Variants in NUMB observed in about 807,000 individuals in gnomAD.
NUMB encodes NUMB endocytic adaptor protein.
NUMB carries 29 observed loss-of-function variants against 59.7 expected under a neutral mutation model. That is an observed-to-expected ratio of 0.49 (90% confidence interval 0.36 to 0.66). The LOEUF (loss-of-function observed/expected upper bound fraction) is 0.66. Ranked by LOEUF, NUMB falls within the 30% of genes least tolerant of loss-of-function variation. The pLI, the probability that NUMB is intolerant of heterozygous loss-of-function variation, is 0.00. For synonymous variants in NUMB, 288 were observed against 288.2 expected, an observed-to-expected ratio of 1.00 and a Z score of 0.01; for missense variants, 723 against 822.0, an observed-to-expected ratio of 0.88 and a Z score of 1.47.
rs747803196 is a variant in NUMB at position 73,316,376 on chromosome 14, G to A, written c.234+14C>T. ...CTCCTTATAAAGCAAGCATGAATGT[G>A]GCATCAAACTTACTTTTCCAAAGAA... On this transcript the variant is annotated intron_variant, in intron 6 of 12. Coordinates refer to ENST00000555238, the MANE Select transcript of NUMB (RefSeq NM_001005743.2). 4.3e-6 allele frequency: 7 copies of A among 1,611,620 alleles called. No homozygotes were observed. Among genetic ancestry groups the A allele is most frequent in the Middle Eastern group, 1.7e-4 (1 of 6,056 alleles).
At chr14:73,307,703 T>C (rs1474326289) in intron 6 of NUMB, among the ~76,000 whole-genome samples, 1 of 149,186 alleles carries the variant, frequency 6.7e-6, no homozygotes, top group South Asian at 2.1e-4. Flanking sequence ...CATGGGACAG[T>C]GAAGCAACAT....
At chr14:73,304,788 C>A (rs1000595310) in intron 6 of NUMB, among the ~76,000 whole-genome samples, 26 of 152,066 alleles carry the variant, frequency 1.7e-4, no homozygotes, top group African/African-American at 6.0e-4. Flanking sequence ...GAGGCAGAGT[C>A]TTGCTCTGTC....
At chr14:73,382,439 T>G (rs1895291326) in intron 2 of NUMB, among the ~76,000 whole-genome samples, 1 of 145,036 alleles carries the variant, frequency 6.9e-6, no homozygotes, top group African/African-American at 2.6e-5. Context: ...AAGTGCCTAT[T>G]TTTATAGCAA....
intron 6 of NUMB, among the ~76,000 whole-genome samples, chr14:73,305,397 TTTC>T: frequency 6.6e-6 from 1 of 152,076 alleles, no homozygotes; most frequent in East Asian, 1.9e-4. Flanking sequence ...CCGAATTCAT[TTTC>T]TTTTTTTTTT....
intron 2 of NUMB, among the ~76,000 whole-genome samples, chr14:73,376,864 C>T (rs1030345462): frequency 3.3e-5 from 5 of 152,130 alleles, no homozygotes; most frequent in African/African-American, 4.8e-5. Context: ...CCAGCCTAGA[C>T]AACATGGTGA....
At chr14:73,427,947 T>C (rs1897658295) in intron 1 of NUMB, among the ~76,000 whole-genome samples, 1 of 152,124 alleles carries the variant, frequency 6.6e-6, no homozygotes, top group Non-Finnish European at 1.5e-5. Flanking sequence ...AGTACAAAAA[T>C]AAGCAACTAG....
rs376931749 is a variant in NUMB, at chr14:73,282,428, C to T, written c.1027G>A (p.Asp343Asn). The change falls in exon 11 of 13, where the codon GAC (aspartate) becomes AAC (asparagine). Residue 343 changes from aspartate (D) to asparagine (N), a missense_variant. Coordinates refer to ENST00000555238, the MANE Select transcript of NUMB (RefSeq NM_001005743.2). ...QITNAFSTPEDPFSSAPMTKP... is the reference protein window; with the variant it reads ...QITNAFSTPENPFSSAPMTKP... ...GTCATCGGAGCAGATGAGAAGGGGTCCTCAGGTGTGCTGAAGGCATTGGTG... is the reference window on the plus strand; with the variant it reads ...GTCATCGGAGCAGATGAGAAGGGGTTCTCAGGTGTGCTGAAGGCATTGGTG... 3.1e-6 allele frequency: 5 copies of T among 1,614,028 alleles called. No individual in the cohort carries two copies. In the African/African-American group the frequency reaches 6.7e-5, roughly 22 times the overall value.
chr14:73,398,380 G>A (rs1040608078), intron 2 of NUMB, among the ~76,000 whole-genome samples: 2 of 123,778 alleles, frequency 1.6e-5, no homozygotes, highest in African/African-American at 6.4e-5. Context: ...GTATATGAGA[G>A]AGAGACACAC....
intron 2 of NUMB, among the ~76,000 whole-genome samples, chr14:73,381,724 T>C (rs1405280322): frequency 6.6e-5 from 10 of 152,220 alleles, no homozygotes; most frequent in Non-Finnish European, 4.4e-5. Flanking sequence ...AGAATCCTCA[T>C]ATGTTTGCCT....
intron 4 of NUMB, among the ~76,000 whole-genome samples, chr14:73,326,929 C>CAGCT (rs142909497): frequency 0.064 from 9,802 of 152,162 alleles, 775 homozygotes; most frequent in African/African-American, 0.18. Flanking sequence ...GTCATACACA[C>CAGCT]AGCTAGTCAG....
At chr14:73,416,332 C>T (rs76678239) in intron 1 of NUMB, among the ~76,000 whole-genome samples, 11 of 141,330 alleles carry the variant, frequency 7.8e-5, no homozygotes, top group Middle Eastern at 3.7e-3. Flanking sequence ...TTTTTCTTTT[C>T]TTTTTTTTTT....
At chr14:73,281,684 C>A (rs1299274892) in intron 11 of NUMB, 1 of 152,180 alleles carries the variant, frequency 6.6e-6, no homozygotes, top group Non-Finnish European at 1.5e-5. Context: ...CTCTTCAATG[C>A]CACAAAGGCA....
intron 1 of NUMB, among the ~76,000 whole-genome samples, chr14:73,433,372 A>C (rs1167356948): frequency 2.0e-5 from 3 of 152,156 alleles, no homozygotes; most frequent in African/African-American, 7.2e-5. Flanking sequence ...CAGTGAGCCA[A>C]GATCACGCCA....
intron 12 of NUMB, among the ~76,000 whole-genome samples, chr14:73,278,996 T>C (rs1888411625): frequency 6.6e-6 from 1 of 152,176 alleles, no homozygotes; most frequent in Non-Finnish European, 1.5e-5. Flanking sequence ...AGTGCTGGGA[T>C]TACAGGCATG....
At position 73,417,016 on chromosome 14, in the gene NUMB, C is replaced by G. The variant is rs182514495; in HGVS notation, c.-232-6948G>C. 4.0e-5 allele frequency among the ~76,000 whole-genome samples: 6 copies of G among 151,898 alleles called. No homozygotes were observed. The East Asian group carries it at 9.7e-4, about 25-fold the overall frequency. ...TGGCAGAGGAGAAGAGAAGGAGCAT[C>G]TGAACATTGAGAGGAGTTTGGCTGG... On this transcript the variant is annotated intron_variant, in intron 1 of 12. Transcript: ENST00000555238.
rs960955355 is a variant in NUMB at position 73,320,645 on chromosome 14, G to C, written c.201+2485C>G. Reference sequence around the variant, plus strand: ...GACATAATATTTGATTATGGTTATTGTAAGACTCAATTTGACCACATATTG... The same window carrying C: ...GACATAATATTTGATTATGGTTATTCTAAGACTCAATTTGACCACATATTG... On this transcript the variant is annotated intron_variant, in intron 5 of 12. Transcript: ENST00000555238. 3.9e-5 allele frequency among the ~76,000 whole-genome samples: 6 copies of C among 152,282 alleles called. No homozygotes were observed. The South Asian group carries it at 1.2e-3, about 32-fold the overall frequency.
chr14:73,349,181 C>T (rs1250019383), intron 4 of NUMB, among the ~76,000 whole-genome samples: 1 of 152,232 alleles, frequency 6.6e-6, no homozygotes, highest in African/African-American at 2.4e-5. Flanking sequence ...TGGCTCATGC[C>T]TGTAATCTCA....
At chr14:73,297,561 T>C in intron 6 of NUMB, 1 of 265,100 alleles carries the variant, frequency 3.8e-6, no homozygotes. Flanking sequence ...AACCAAGATA[T>C]CACATTCCAT....
chr14:73,323,188 T>G lies in NUMB; in HGVS notation c.143A>C (p.Glu48Ala). ...SFPVKYLGHV[E>A]VDESRGMHIC... Reference sequence around the variant, plus strand: ...GTGCATTCCTCTTGATTCATCAACTTCTACATGGCCAAGGTACTGTAGAAA... The same window carrying G: ...GTGCATTCCTCTTGATTCATCAACTGCTACATGGCCAAGGTACTGTAGAAA... Residue 48 changes from glutamate (E) to alanine (A), a missense_variant, in exon 5 of 13, where the codon GAA becomes GCA. Physicochemically the swap from Glu to Ala is moderately radical, Grantham distance 107. This residue lies in a region of NUMB where 317 missense variants were observed against 436.6 expected (regional missense o/e 0.73). Transcript: ENST00000555238. 1 of 1,613,108 alleles carries G rather than the reference T, an allele frequency of 6.2e-7. No individual in the cohort carries two copies. Among genetic ancestry groups the G allele is most frequent in the Non-Finnish European group, 8.5e-7 (1 of 1,179,144 alleles).
Sources: gnomAD v4.1 joint callset for allele counts (sites outside exome capture counted in the v4.1 genomes callset) on GRCh38, gnomAD v4.1.1 for gene constraint, gnomAD v4.1.1 regional missense constraint, MANE v1.5 for transcripts, NCBI Gene and HGNC (gene_info 2026-07-23, HGNC 2026-07-21) for gene names.